Variants in MAML3 observed in about 807,000 individuals in gnomAD.
The protein encoded by MAML3 is mastermind-like protein 3.
Under a neutral mutation model 101.9 loss-of-function variants are expected in MAML3, and 27 were observed. The observed-to-expected ratio is 0.27, with a 90% CI of 0.20 to 0.37. The LOEUF (loss-of-function observed/expected upper bound fraction) is 0.37. MAML3 is among the 10% of genes least tolerant of loss of function. MAML3 has a pLI of 1.00. For missense variants in MAML3, 1,316 were observed against 1,444.9 expected, an observed-to-expected ratio of 0.91 and a Z score of 1.45; for synonymous variants, 501 against 555.9, an observed-to-expected ratio of 0.90 and a Z score of 1.39.
Position 140,086,555 on chromosome 4 carries a change from C to T in MAML3, c.468+66305G>A, listed in dbSNP as rs550213968. Among the ~76,000 whole-genome samples, 257 of 152,248 alleles carry T rather than the reference C, an allele frequency of 1.7e-3. 1 individual carries two copies. Among genetic ancestry groups the T allele is most frequent in the Admixed American group, 2.9e-3 (44 of 15,300 alleles). ...GGCATTTAAAATATCAATTATTTTG[C>T]GATCAGCTCAAGATCTTACAGGTAT... On this transcript the variant is annotated intron_variant, in intron 1 of 4. Coordinates refer to ENST00000509479, the MANE Select transcript of MAML3 (RefSeq NM_018717.5).
At chr4:139,893,121 C>T (rs1240695187) in intron 1 of MAML3, among the ~76,000 whole-genome samples, 1 of 152,162 alleles carries the variant, frequency 6.6e-6, no homozygotes, top group East Asian at 1.9e-4. Context: ...GGTTTCTCTT[C>T]AGAGCCTAGA....
intron 2 of MAML3, among the ~76,000 whole-genome samples, chr4:139,803,706 A>C (rs1730651890): frequency 6.6e-6 from 1 of 152,124 alleles, no homozygotes; most frequent in African/African-American, 2.4e-5. Flanking sequence ...ACCACACAGC[A>C]CTTTACAGTC....
At chr4:139,994,071 G>T (rs116269377) in intron 1 of MAML3, among the ~76,000 whole-genome samples, 2,135 of 152,230 alleles carry the variant, frequency 0.014, 57 homozygotes, top group African/African-American at 0.049. Flanking sequence ...ATATCCAATT[G>T]TTCCTGATGA....
At chr4:139,788,192 T>C (rs940880386) in intron 2 of MAML3, among the ~76,000 whole-genome samples, 32 of 152,194 alleles carry the variant, frequency 2.1e-4, no homozygotes, top group Non-Finnish European at 1.8e-4. Flanking sequence ...GAAAACTCAG[T>C]GAGAAATCCT....
At chr4:139,843,166 T>C (rs968598987) in intron 2 of MAML3, among the ~76,000 whole-genome samples, 6 of 152,162 alleles carry the variant, frequency 3.9e-5, no homozygotes, top group South Asian at 2.1e-4. Flanking sequence ...TGATAACTTA[T>C]GGCATCTGTT....
rs1734641808 is a variant in MAML3 at position 139,990,335 on chromosome 4, T to C, written c.469-99368A>G. 3.3e-5 allele frequency among the ~76,000 whole-genome samples: 5 copies of C among 152,228 alleles called. No homozygotes were observed. The South Asian group carries it at 8.3e-4, about 25-fold the overall frequency. ...TCTCAATAGATGCAGAAAAGGCCTTTGACAAAATTCAACAACTCTTCATGC... is the reference window on the plus strand; with the variant it reads ...TCTCAATAGATGCAGAAAAGGCCTTCGACAAAATTCAACAACTCTTCATGC... On this transcript the variant is annotated intron_variant, in intron 1 of 4. Transcript: ENST00000509479.
chr4:140,152,772 G>A, intron 1 of MAML3, 88 bp downstream of exon 1: 1 of 1,540,418 alleles, frequency 6.5e-7, no homozygotes, highest in East Asian at 2.3e-5. Context: ...TCAGACCCTT[G>A]TACCCCCATG....
At chr4:140,014,530 C>A (rs774667599) in intron 1 of MAML3, among the ~76,000 whole-genome samples, 49 of 152,166 alleles carry the variant, frequency 3.2e-4, no homozygotes, top group Non-Finnish European at 6.5e-4. Context: ...TCATTGAGTG[C>A]CTCATGTACA....
intron 1 of MAML3, among the ~76,000 whole-genome samples, chr4:140,006,432 A>G (rs1217579900): frequency 1.3e-5 from 2 of 152,022 alleles, no homozygotes; most frequent in African/African-American, 2.4e-5. Flanking sequence ...CTAAAAATAC[A>G]AAAATTAGCC....
chr4:139,761,390 G>A (rs560743987), intron 2 of MAML3, among the ~76,000 whole-genome samples: 1 of 152,280 alleles, frequency 6.6e-6, no homozygotes, highest in African/African-American at 2.4e-5. Context: ...AGTCTGGAGG[G>A]GGCGTTAGGG....
At chr4:139,807,063 T>A (rs1730714447) in intron 2 of MAML3, among the ~76,000 whole-genome samples, 1 of 152,186 alleles carries the variant, frequency 6.6e-6, no homozygotes, top group Admixed American at 6.5e-5. Flanking sequence ...ACCACAATAA[T>A]TTAAAGAGAC....
At chr4:139,832,403 C>T (rs1731184426) in intron 2 of MAML3, among the ~76,000 whole-genome samples, 2 of 151,964 alleles carry the variant, frequency 1.3e-5, no homozygotes, top group South Asian at 4.1e-4. Context: ...TGAGCCACCG[C>T]ACCTGGCCCC....
At chr4:139,989,156 A>T (rs568284579) in intron 1 of MAML3, among the ~76,000 whole-genome samples, 2 of 152,270 alleles carry the variant, frequency 1.3e-5, no homozygotes, top group East Asian at 3.9e-4. Flanking sequence ...CAGAAGCAGG[A>T]ATCTTGGCCA....
At chr4:139,821,316 C>A (rs1244017941) in intron 2 of MAML3, among the ~76,000 whole-genome samples, 1 of 152,108 alleles carries the variant, frequency 6.6e-6, no homozygotes, top group African/African-American at 2.4e-5. Flanking sequence ...TGAGCATTAC[C>A]CCCTAAGCTC....
chr4:139,723,735 AC>A (rs1728354461), intron 4 of MAML3, among the ~76,000 whole-genome samples: 4 of 152,310 alleles, frequency 2.6e-5, no homozygotes, highest in Admixed American at 2.6e-4. Context: ...TGAGTTATGA[AC>A]CTGGAAAACT....
chr4:140,046,008 T>C (rs990418191), intron 1 of MAML3, among the ~76,000 whole-genome samples: 2 of 152,202 alleles, frequency 1.3e-5, no homozygotes, highest in African/African-American at 4.8e-5. Flanking sequence ...GCTTCCAAAG[T>C]CAATATGAAA....
At chr4:140,016,699 T>C (rs1029270179) in intron 1 of MAML3, among the ~76,000 whole-genome samples, 1 of 152,198 alleles carries the variant, frequency 6.6e-6, no homozygotes, top group Non-Finnish European at 1.5e-5. Context: ...GGACAGACTT[T>C]TCAACAAATG....
At chr4:139,959,701 G>A (rs754200382) in intron 1 of MAML3, among the ~76,000 whole-genome samples, 3 of 152,140 alleles carry the variant, frequency 2.0e-5, no homozygotes, top group Non-Finnish European at 4.4e-5. Context: ...ATTGAGGAAA[G>A]AACTATCTGG....
rs144915868 is a variant in MAML3 at position 139,895,039 on chromosome 4, A to T, written c.469-4072T>A. On this transcript the variant is annotated intron_variant, in intron 1 of 4. Coordinates refer to ENST00000509479, the MANE Select transcript of MAML3 (RefSeq NM_018717.5). The stretch of plus-strand genomic sequence containing the variant: ...CAGGTCATGCAATGAATGGAGCAGG[A>T]CAGAGAAGGAAACGAAGCTGGTCCA... Among the ~76,000 whole-genome samples, 154 of 152,366 alleles carry T rather than the reference A, an allele frequency of 1.0e-3. 1 individual carries two copies. Among genetic ancestry groups the T allele is most frequent in the African/African-American group, 3.5e-3 (145 of 41,590 alleles).
Sources: gnomAD v4.1 joint callset for allele counts (sites outside exome capture counted in the v4.1 genomes callset) on GRCh38, gnomAD v4.1.1 for gene constraint, MANE v1.5 for transcripts, NCBI Gene and HGNC (gene_info 2026-07-23, HGNC 2026-07-21) for gene names.